SYNE3: variants seen among roughly 807,000 people sequenced by gnomAD.
SYNE3 encodes the protein nesprin-3.
A neutral mutation model predicts 111.2 loss-of-function variants in SYNE3; 100 were observed. The ratio of observed to expected loss-of-function variants is 0.90; its 90% CI spans 0.77 to 1.06. The LOEUF is 1.06. Ranked by LOEUF, SYNE3 falls within the 50% of genes least tolerant of loss-of-function variation. The pLI, the probability that SYNE3 is intolerant of heterozygous loss-of-function variation, is 0.00. For synonymous variants in SYNE3, 547 were observed against 533.9 expected (o/e 1.02, Z -0.34); for missense variants, 1,160 against 1,240.3 (o/e 0.94, Z 0.97).
In SYNE3 at chr14:95,513,742, T is replaced by TATATATAC. The variant is rs1214435982; in HGVS notation, c.-15+2853_-15+2854insGTATATAT. 1.4e-4 allele frequency among the ~76,000 whole-genome samples: 9 copies of TATATATAC among 64,624 alleles called. 1 individual carries two copies. The highest frequency in any genetic ancestry group is 3.9e-4 in the South Asian group (1 of 2,586). 42.4% of individuals were successfully genotyped at this position (64,624 alleles called of 152,430 possible). ...GTCCAGTCAGGCTGCTTAGATTATA[T>TATATATAC]ATATATATATATATATATATATATA... On this transcript the variant is annotated intron_variant, in intron 1 of 17. Coordinates refer to ENST00000682763, the MANE Select transcript of SYNE3 (RefSeq NM_152592.6).
chr14:95,492,399 GTC>G (rs1196622372), intron 1 of SYNE3, among the ~76,000 whole-genome samples: 13 of 152,326 alleles, frequency 8.5e-5, no homozygotes, highest in African/African-American at 3.1e-4. Flanking sequence ...GGAAATCGTG[GTC>G]TATCCATACA....
chr14:95,495,855 G>A (rs1324336718), intron 1 of SYNE3, among the ~76,000 whole-genome samples: 10 of 152,248 alleles, frequency 6.6e-5, no homozygotes, highest in South Asian at 2.1e-4. Context: ...ACTGTCCCCC[G>A]TGAACAGTCC....
intron 16 of SYNE3, among the ~76,000 whole-genome samples, chr14:95,432,820 G>C (rs189668440): frequency 6.6e-6 from 1 of 152,010 alleles, no homozygotes; most frequent in Non-Finnish European, 1.5e-5. Context: ...ACAACACACG[G>C]GTGTGTCTGC....
intron 1 of SYNE3, among the ~76,000 whole-genome samples, chr14:95,513,956 C>T (rs1890817500): frequency 6.6e-6 from 1 of 151,880 alleles, no homozygotes; most frequent in Admixed American, 6.6e-5. Flanking sequence ...GGCTGTACCA[C>T]ATCCAGCCGC....
At position 95,457,145 on chromosome 14, in the gene SYNE3, G is replaced by T. The variant is rs771545276; in HGVS notation, c.789+32C>A. On this transcript the variant is annotated intron_variant, in intron 5 of 17. Transcript: ENST00000682763. ...CCCACCCTCTGTGACTGTCCCTAGG[G>T]TCCCTCTGGTTGAGACACAGCTGGG... The T allele has an allele frequency of 2.2e-5, 35 of 1,605,232 alleles. 1 individual carries two copies. The South Asian group carries it at 3.6e-4, about 16-fold the overall frequency.
chr14:95,449,836 C>T (rs1360258200), intron 8 of SYNE3, 95 bp downstream of exon 8: 3 of 1,480,716 alleles, frequency 2.0e-6, no homozygotes, highest in Non-Finnish European at 2.7e-6. Context: ...ATCCGGAGGA[C>T]CCGGAAACGG....
rs1343931943 is a variant in SYNE3 at position 95,415,139 on chromosome 14, G to T, written c.*2687C>A. 1 of 152,148 alleles carries T rather than the reference G, an allele frequency of 6.6e-6. No homozygotes were observed. The highest frequency in any genetic ancestry group is 1.9e-4 in the East Asian group (1 of 5,174). The allele number at this position is 152,148 out of a possible 1,614,324, so 9.4% of individuals were successfully genotyped here. On this transcript the variant is annotated 3_prime_UTR_variant, in exon 18 of 18. Coordinates refer to ENST00000682763, the MANE Select transcript of SYNE3 (RefSeq NM_152592.6). ...GAGCGGATCATACCACAATGAGCAGGGTACCACCTGAGGGCCATGGTGGCC... is the reference window on the plus strand; with the variant it reads ...GAGCGGATCATACCACAATGAGCAGTGTACCACCTGAGGGCCATGGTGGCC...
At position 95,439,971 on chromosome 14, in the gene SYNE3, C is replaced by A. The variant is rs536523903; in HGVS notation, c.2016G>T (p.Glu672Asp). 2 of 1,614,090 alleles carry A rather than the reference C, an allele frequency of 1.2e-6. No homozygotes were observed. The highest frequency in any genetic ancestry group is 1.3e-5 in the African/African-American group (1 of 75,066). The change falls in exon 12 of 18, where the codon GAG becomes GAT. Residue 672 changes from glutamate (E) to aspartate (D), a missense_variant. Glu to Asp is a conservative substitution (Grantham distance 45, BLOSUM62 2). Coordinates refer to ENST00000682763, the MANE Select transcript of SYNE3 (RefSeq NM_152592.6). ...CCGGGCCCGCCTCTCCCCGGTGTGC[C>A]TCCAGCTTTTGCGTGGTCACAACGA... The part of the protein sequence containing the change: ...QWIVVTTQKL[E>D]AHRGEAGPGD...
At chr14:95,479,002 C>T (rs1595241729) in intron 1 of SYNE3, among the ~76,000 whole-genome samples, 1 of 152,068 alleles carries the variant, frequency 6.6e-6, no homozygotes, top group East Asian at 1.9e-4. Flanking sequence ...GGTCAAGTCC[C>T]CATGACTCAC....
intron 1 of SYNE3, among the ~76,000 whole-genome samples, chr14:95,508,563 C>G (rs1032716946): frequency 6.6e-6 from 1 of 152,204 alleles, no homozygotes; most frequent in South Asian, 2.1e-4. Flanking sequence ...AGTGCCACTG[C>G]GTGGGCAGGA....
At chr14:95,447,310 ATT>A (rs1318136969) in intron 8 of SYNE3, among the ~76,000 whole-genome samples, 1 of 151,592 alleles carries the variant, frequency 6.6e-6, no homozygotes, top group Non-Finnish European at 1.5e-5. Flanking sequence ...ATTTTTTTGT[ATT>A]TTTTTAGTAG....
intron 1 of SYNE3, among the ~76,000 whole-genome samples, chr14:95,481,524 G>C (rs993942702): frequency 3.3e-5 from 5 of 152,206 alleles, no homozygotes; most frequent in African/African-American, 1.2e-4. Context: ...GCAGGAACTA[G>C]AGCCCCAAAG....
intron 1 of SYNE3, among the ~76,000 whole-genome samples, chr14:95,501,453 A>T (rs1446700442): frequency 6.6e-6 from 1 of 152,206 alleles, no homozygotes; most frequent in Non-Finnish European, 1.5e-5. Flanking sequence ...TCATTCTCTC[A>T]AGGCACCTCC....
intron 4 of SYNE3, among the ~76,000 whole-genome samples, chr14:95,458,688 C>G (rs892486300): frequency 3.9e-5 from 6 of 152,224 alleles, no homozygotes; most frequent in Admixed American, 3.9e-4. Flanking sequence ...CATCGTCACC[C>G]ACTGGGGGAT....
chr14:95,488,071 G>T (rs1046974617), intron 1 of SYNE3, among the ~76,000 whole-genome samples: 28 of 151,962 alleles, frequency 1.8e-4, no homozygotes, highest in Admixed American at 2.6e-4. Context: ...TTACTTTATT[G>T]TAAGAATATA....
At chr14:95,441,635 T>C (rs1304620547) in intron 11 of SYNE3, among the ~76,000 whole-genome samples, 3 of 152,166 alleles carry the variant, frequency 2.0e-5, no homozygotes, top group Non-Finnish European at 2.9e-5. Flanking sequence ...TGGATGGAGG[T>C]ATTAGGAGAC....
chr14:95,452,205 C>A, intron 7 of SYNE3, 42 bp downstream of exon 7: 1 of 1,502,682 alleles, frequency 6.7e-7, no homozygotes, highest in African/African-American at 1.4e-5. Flanking sequence ...ATGTGGGTTC[C>A]AGCACACCCT....
intron 9 of SYNE3, 65 bp downstream of exon 9, chr14:95,445,844 T>C: frequency 6.4e-7 from 1 of 1,563,616 alleles, no homozygotes; most frequent in African/African-American, 1.4e-5. Context: ...GCCATCTGCC[T>C]CCCCAGTGGG....
chr14:95,432,671 ATTATT>A (rs1020993376), intron 16 of SYNE3, among the ~76,000 whole-genome samples: 8 of 141,136 alleles, frequency 5.7e-5, no homozygotes, highest in Middle Eastern at 4.0e-3. Context: ...TATTATTATT[ATTATT>A]ATTTGGTGTG....
Sources: allele counts gnomAD v4.1 joint callset (sites outside exome capture counted in the v4.1 genomes callset), GRCh38; gene constraint gnomAD v4.1.1; transcripts MANE v1.5; gene names NCBI Gene and HGNC (gene_info 2026-07-23, HGNC 2026-07-21).